ZNF385D: variants seen among roughly 807,000 people sequenced by gnomAD.
ZNF385D encodes zinc finger protein 659.
ZNF385D carries 15 observed loss-of-function variants against 35.8 expected under a neutral mutation model. That is an observed-to-expected ratio of 0.42 (90% CI 0.28 to 0.64). ZNF385D has a LOEUF of 0.64. Ranked by LOEUF, ZNF385D falls within the 30% of genes least tolerant of loss-of-function variation. The pLI, the probability that ZNF385D is intolerant of heterozygous loss-of-function variation, is 0.23. For missense variants in ZNF385D, 474 were observed against 494.6 expected (o/e 0.96, Z 0.39); for synonymous variants, 212 against 186.8 (o/e 1.13, Z -1.10).
chr3:22,087,695 A>C (rs1701118271), intron 3 of ZNF385D, among the ~76,000 whole-genome samples: 2 of 152,176 alleles, frequency 1.3e-5, no homozygotes, highest in South Asian at 2.1e-4. Context: ...AACTTTGTTA[A>C]TTATTTTTAT....
intron 4 of ZNF385D, among the ~76,000 whole-genome samples, chr3:21,500,758 T>A (rs1364673993): frequency 6.6e-6 from 1 of 152,170 alleles, no homozygotes; most frequent in Non-Finnish European, 1.5e-5. Flanking sequence ...GTTCTGATGC[T>A]GTGGTAGGAG....
chr3:21,606,517 T>C (rs1245971464), intron 2 of ZNF385D, among the ~76,000 whole-genome samples: 2 of 152,200 alleles, frequency 1.3e-5, no homozygotes, highest in African/African-American at 4.8e-5. Flanking sequence ...GCATTTGATA[T>C]AGATGAAGAA....
chr3:21,508,154 T>C (rs1001830824), intron 4 of ZNF385D, among the ~76,000 whole-genome samples: 2 of 152,126 alleles, frequency 1.3e-5, no homozygotes, highest in Non-Finnish European at 2.9e-5. Context: ...CTTCTGCCCT[T>C]TTGAAATTTT....
At chr3:21,441,725 T>C (rs778330398) in intron 4 of ZNF385D, 18 of 985,380 alleles carry the variant, frequency 1.8e-5, no homozygotes, top group South Asian at 1.4e-4. Flanking sequence ...CAGGGCTTCA[T>C]TGCACCTTTT....
At chr3:21,614,266 A>G (rs1254357936) in intron 2 of ZNF385D, among the ~76,000 whole-genome samples, 1 of 152,038 alleles carries the variant, frequency 6.6e-6, no homozygotes, top group Non-Finnish European at 1.5e-5. Context: ...CATGGCCTTA[A>G]CCTCTGTGTG....
At chr3:22,100,397 G>A (rs575658310) in intron 3 of ZNF385D, among the ~76,000 whole-genome samples, 58 of 147,998 alleles carry the variant, frequency 3.9e-4, no homozygotes, top group African/African-American at 1.3e-3. Flanking sequence ...TGTTTATTGC[G>A]GCAGTATTCA....
chr3:21,948,692 C>G (rs573334951), intron 3 of ZNF385D, among the ~76,000 whole-genome samples: 24 of 146,282 alleles, frequency 1.6e-4, no homozygotes, highest in African/African-American at 5.9e-4. Flanking sequence ...CTCTGTTTTC[C>G]AATTGCATGA....
chr3:22,358,016 A>G (rs534324535), intron 2 of ZNF385D, among the ~76,000 whole-genome samples: 1 of 152,024 alleles, frequency 6.6e-6, no homozygotes, highest in South Asian at 2.1e-4. Context: ...TCCTGGAAAG[A>G]AAATGTTGAA....
chr3:22,022,677 A>T (rs1697295804), intron 3 of ZNF385D, among the ~76,000 whole-genome samples: 1 of 152,178 alleles, frequency 6.6e-6, no homozygotes, highest in East Asian at 1.9e-4. Context: ...AAGCAAACTC[A>T]ACATTGTATA....
At chr3:21,831,017 T>C (rs541702830) in intron 3 of ZNF385D, among the ~76,000 whole-genome samples, 2 of 152,260 alleles carry the variant, frequency 1.3e-5, no homozygotes, top group South Asian at 2.1e-4. Flanking sequence ...TGAGTCAGGT[T>C]CCAGGGCTTC....
intron 4 of ZNF385D, among the ~76,000 whole-genome samples, chr3:21,509,113 T>A (rs1206979998): frequency 6.6e-6 from 1 of 152,088 alleles, no homozygotes; most frequent in Non-Finnish European, 1.5e-5. Flanking sequence ...CACACATATA[T>A]ATATTTTTAA....
At chr3:21,991,288 T>C (rs1695130932) in intron 3 of ZNF385D, among the ~76,000 whole-genome samples, 1 of 152,180 alleles carries the variant, frequency 6.6e-6, no homozygotes, top group South Asian at 2.1e-4. Context: ...GATTTTAAAA[T>C]TGTAGTTATA....
At chr3:22,181,274 T>G (rs981311763) in intron 2 of ZNF385D, among the ~76,000 whole-genome samples, 2 of 152,062 alleles carry the variant, frequency 1.3e-5, no homozygotes, top group African/African-American at 4.8e-5. Flanking sequence ...TCCCTGAAAA[T>G]TTACGCATCC....
At chr3:21,913,396 C>G (rs542370277) in intron 3 of ZNF385D, among the ~76,000 whole-genome samples, 5 of 152,184 alleles carry the variant, frequency 3.3e-5, no homozygotes, top group Admixed American at 6.5e-5. Flanking sequence ...TTTCCCCAAC[C>G]TGATGTTAGA....
chr3:22,042,515 A>G (rs888834905), intron 3 of ZNF385D, among the ~76,000 whole-genome samples: 14 of 152,302 alleles, frequency 9.2e-5, no homozygotes, highest in Admixed American at 5.2e-4. Context: ...AGAACAGACT[A>G]TAAGGTATTC....
intron 2 of ZNF385D, among the ~76,000 whole-genome samples, chr3:22,284,588 C>G (rs1391145844): frequency 6.6e-6 from 1 of 151,840 alleles, no homozygotes; most frequent in Non-Finnish European, 1.5e-5. Context: ...GTTTTAAGAA[C>G]CGCTAGACAC....
In ZNF385D at chr3:21,645,415, G is replaced by A. The variant is rs139275238; in HGVS notation, c.165+19471C>T. 1.1e-3 allele frequency among the ~76,000 whole-genome samples: 170 copies of A among 152,294 alleles called. 1 individual carries two copies. The highest frequency in any genetic ancestry group is 4.0e-3 in the African/African-American group (166 of 41,568). ...TACACATTTGCAGACACTAGTTTAA[G>A]CTACTGACTCCTTTAGTCTTGAACT... On this transcript the variant is annotated intron_variant, in intron 2 of 7. Transcript: ENST00000281523.
At chr3:21,965,944 C>G (rs1356941233) in intron 3 of ZNF385D, among the ~76,000 whole-genome samples, 1 of 152,026 alleles carries the variant, frequency 6.6e-6, no homozygotes, top group Non-Finnish European at 1.5e-5. Context: ...GATAAGAGTT[C>G]TTTGTACTAT....
intron 3 of ZNF385D, among the ~76,000 whole-genome samples, chr3:21,842,935 T>C (rs891534202): frequency 6.6e-6 from 1 of 152,114 alleles, no homozygotes; most frequent in East Asian, 1.9e-4. Flanking sequence ...TGAAAATCTA[T>C]TCTCTTTCAA....
Sources: allele counts gnomAD v4.1 joint callset (sites outside exome capture counted in the v4.1 genomes callset), GRCh38; gene constraint gnomAD v4.1.1; transcripts MANE v1.5; gene names NCBI Gene and HGNC (gene_info 2026-07-23, HGNC 2026-07-21).